DYM: variants seen among roughly 807,000 people sequenced by gnomAD.
DYM encodes the protein dymeclin.
A neutral mutation model predicts 93.1 loss-of-function variants in DYM; 78 were observed. The observed-to-expected ratio is 0.84, with a 90% confidence interval of 0.70 to 1.01. DYM has a LOEUF of 1.01. Ranked by LOEUF, DYM falls within the 50% of genes least tolerant of loss-of-function variation. The probability of loss-of-function intolerance (pLI) is 0.00; values close to 1 mark genes in which losing one functional copy is unlikely to be tolerated. For missense variants in DYM, 789 were observed against 845.0 expected (o/e 0.93, Z 0.82); for synonymous variants, 321 against 319.7 (o/e 1.00, Z -0.04).
intron 14 of DYM, among the ~76,000 whole-genome samples, chr18:49,166,058 A>G (rs1695601202): frequency 6.6e-6 from 1 of 152,118 alleles, no homozygotes; most frequent in South Asian, 2.1e-4. Context: ...GGTCTTCTCC[A>G]TTTGAGGTTT....
chr18:49,298,344 C>T (rs529341232), intron 8 of DYM, among the ~76,000 whole-genome samples: 2 of 152,242 alleles, frequency 1.3e-5, no homozygotes, highest in East Asian at 3.9e-4. Flanking sequence ...CCTTGGGAGG[C>T]CAAGGCAGGT....
At chr18:49,215,975 G>T (rs967650650) in intron 13 of DYM, among the ~76,000 whole-genome samples, 1 of 152,294 alleles carries the variant, frequency 6.6e-6, no homozygotes, top group African/African-American at 2.4e-5. Flanking sequence ...AGCGCAAGGG[G>T]TCAGGGAGTT....
At chr18:49,109,751 G>A (rs575157822) in intron 16 of DYM, among the ~76,000 whole-genome samples, 2 of 152,198 alleles carry the variant, frequency 1.3e-5, no homozygotes, top group Non-Finnish European at 2.9e-5. Context: ...TAGGGAACCC[G>A]AATCTCTTAG....
intron 17 of DYM, among the ~76,000 whole-genome samples, chr18:49,049,053 G>A (rs958522932): frequency 6.6e-5 from 10 of 152,144 alleles, no homozygotes; most frequent in Admixed American, 2.0e-4. Context: ...GTATAAAATA[G>A]TATAAACTTT....
chr18:49,360,617 T>A (rs1319471617), intron 6 of DYM, among the ~76,000 whole-genome samples: 4 of 149,504 alleles, frequency 2.7e-5, no homozygotes, highest in East Asian at 1.9e-4. Context: ...GTAAGATCCA[T>A]CTCAAAAAAA....
intron 16 of DYM, among the ~76,000 whole-genome samples, chr18:49,114,201 GA>G (rs1363108775): frequency 6.6e-6 from 1 of 152,202 alleles, no homozygotes; most frequent in Non-Finnish European, 1.5e-5. Context: ...TGTAAAGTGG[GA>G]TAATAATCCT....
At chr18:49,180,045 A>G (rs963084499) in intron 14 of DYM, among the ~76,000 whole-genome samples, 1 of 152,108 alleles carries the variant, frequency 6.6e-6, no homozygotes, top group African/African-American at 2.4e-5. Context: ...GTATTTAATT[A>G]TTTGTCAAGT....
chr18:49,318,845 G>A (rs1223090843), intron 8 of DYM, among the ~76,000 whole-genome samples: 1 of 134,822 alleles, frequency 7.4e-6, no homozygotes. Flanking sequence ...CTGTCGCCCA[G>A]GCTGGAGTGC....
chr18:49,044,157 C>A lies in DYM; in HGVS notation c.2073G>T (p.Glu691Asp). 3 of 1,614,146 alleles carry A rather than the reference C, an allele frequency of 1.9e-6. No homozygotes were observed. The highest frequency in any genetic ancestry group is 2.5e-6 in the Non-Finnish European group (3 of 1,180,028). The change falls in exon 18 of 18, where the codon GAG becomes GAT. Residue 691 changes from glutamate (E) to aspartate (D), a missense_variant. Physicochemically the swap from Glu to Asp is conservative, Grantham distance 45. Around this residue, in one of 3 missense-constraint regions of DYM, gnomAD observed 114 missense variants for 105.8 expected, o/e 1.08. Coordinates refer to ENST00000675505, the MANE Select transcript of DYM (RefSeq NM_001353214.3). ...ACCAGACATAGGGGATAAAAAACTCCTCGGGCTGCTCCTCTTCCACATATT... is the reference window on the plus strand; with the variant it reads ...ACCAGACATAGGGGATAAAAAACTCATCGGGCTGCTCCTCTTCCACATATT... Reference protein sequence around the residue: ...KFKYVEEEQPEEFFIPYVWSL... With the variant: ...KFKYVEEEQPDEFFIPYVWSL...
At chr18:49,391,391 T>C (rs771150396) in intron 3 of DYM, 2 of 575,090 alleles carry the variant, frequency 3.5e-6, no homozygotes, top group Non-Finnish European at 3.2e-6. Context: ...TTACCACTAC[T>C]GCAGATATAG....
rs532644747 is a variant in DYM, at chr18:49,192,986, A to G, written c.1625+16565T>C. Among the ~76,000 whole-genome samples the G allele has an allele frequency of 3.4e-4, 52 of 152,314 alleles. 1 individual carries two copies. Among genetic ancestry groups the G allele is most frequent in the African/African-American group, 1.2e-3 (51 of 41,592 alleles). On this transcript the variant is annotated intron_variant, in intron 14 of 17. Coordinates refer to ENST00000675505, the MANE Select transcript of DYM (RefSeq NM_001353214.3). Reference sequence around the variant, plus strand: ...ATAAGTTTGATCCTTTTTTAGATCAATTGCACAGCATGGTGAATATAATTG... The same window carrying G: ...ATAAGTTTGATCCTTTTTTAGATCAGTTGCACAGCATGGTGAATATAATTG...
intron 1 of DYM, among the ~76,000 whole-genome samples, chr18:49,450,690 A>G (rs1006914527): frequency 6.6e-6 from 1 of 152,206 alleles, no homozygotes; most frequent in Non-Finnish European, 1.5e-5. Context: ...ATCTTCTTTA[A>G]GTTATATTTT....
At chr18:49,447,839 G>C (rs979137255) in intron 1 of DYM, among the ~76,000 whole-genome samples, 12 of 152,162 alleles carry the variant, frequency 7.9e-5, no homozygotes, top group African/African-American at 2.9e-4. Context: ...GTAGTAACAA[G>C]GCATATAGCT....
At chr18:49,291,812 AT>A (rs1194012497) in intron 8 of DYM, among the ~76,000 whole-genome samples, 1 of 152,252 alleles carries the variant, frequency 6.6e-6, no homozygotes, top group African/African-American at 2.4e-5. Context: ...AACTTGAGAC[AT>A]TTAATAAGAA....
chr18:49,086,204 A>G (rs550561294), intron 17 of DYM, among the ~76,000 whole-genome samples: 1 of 152,318 alleles, frequency 6.6e-6, no homozygotes, highest in East Asian at 1.9e-4. Flanking sequence ...TCTTCCAGAT[A>G]TGGAGGCTTA....
rs1599284361 is a variant in DYM, at chr18:49,042,687, C to A, written c.*1368G>T. ...GCTTTTGTGCTTTCTATGTTGAAGA[C>A]CAAATACTTTTTCTTTGAGAATGAA... is the stretch of plus-strand genomic sequence containing the variant. On this transcript the variant is annotated 3_prime_UTR_variant, in exon 18 of 18. Transcript: ENST00000675505. 6.6e-6 allele frequency: 1 copy of A among 152,214 alleles called. No individual in the cohort carries two copies. The highest frequency in any genetic ancestry group is 2.4e-5 in the African/African-American group (1 of 41,452). 9.4% of individuals were successfully genotyped at this position (152,214 alleles called of 1,614,324 possible).
chr18:49,181,930 A>G (rs928106438), intron 14 of DYM, among the ~76,000 whole-genome samples: 1 of 152,110 alleles, frequency 6.6e-6, no homozygotes, highest in South Asian at 2.1e-4. Flanking sequence ...TTTCCAATAT[A>G]GGCATTTCAG....
chr18:49,404,578 ATC>A (rs1370869530), intron 2 of DYM, among the ~76,000 whole-genome samples: 2 of 152,288 alleles, frequency 1.3e-5, no homozygotes, highest in African/African-American at 4.8e-5. Flanking sequence ...CCTCACCAGC[ATC>A]TGTTATTTTT....
At chr18:49,377,822 T>C (rs1884642702) in intron 5 of DYM, among the ~76,000 whole-genome samples, 1 of 152,210 alleles carries the variant, frequency 6.6e-6, no homozygotes, top group Non-Finnish European at 1.5e-5. Flanking sequence ...GAAATCCACA[T>C]AGCACACAGA....
Sources: gnomAD v4.1 joint callset for allele counts (sites outside exome capture counted in the v4.1 genomes callset) on GRCh38, gnomAD v4.1.1 for gene constraint, gnomAD v4.1.1 regional missense constraint, MANE v1.5 for transcripts, NCBI Gene and HGNC (gene_info 2026-07-23, HGNC 2026-07-21) for gene names.